USH2A: variants seen among roughly 807,000 people sequenced by gnomAD.
USH2A encodes usherin.
USH2A carries 443 observed loss-of-function variants against 538.9 expected under a neutral mutation model. The ratio of observed to expected loss-of-function variants is 0.82; its 90% confidence interval spans 0.76 to 0.89. The LOEUF (loss-of-function observed/expected upper bound fraction) is 0.89. USH2A is among the 40% of genes least tolerant of loss of function. The probability of loss-of-function intolerance (pLI) is 0.00; values close to 1 mark genes in which losing one functional copy is unlikely to be tolerated. For missense variants in USH2A, 6,633 were observed against 6,324.8 expected (o/e 1.05, Z -1.65); for synonymous variants, 2,413 against 2,273.5 (o/e 1.06, Z -1.75).
chr1:215,843,447 T>C (rs1220062556), intron 46 of USH2A, among the ~76,000 whole-genome samples: 2 of 152,352 alleles, frequency 1.3e-5, no homozygotes, highest in East Asian at 3.9e-4. Context: ...TTCCTTGTTT[T>C]ATATGCCTTA....
Position 215,670,952 on chromosome 1 carries a change from T to C in USH2A, c.14133+20A>G. 3 of 1,613,382 alleles carry C rather than the reference T, an allele frequency of 1.9e-6. No homozygotes were observed. The South Asian group carries it at 3.3e-5, about 18-fold the overall frequency. ...GGTGCAAACAATCAGCTCGAATTGT[T>C]TATAATACACATTTCTTACCTGATA... On this transcript the variant is annotated intron_variant, in intron 64 of 71. Coordinates refer to ENST00000307340, the MANE Select transcript of USH2A (RefSeq NM_206933.4).
intron 4 of USH2A, among the ~76,000 whole-genome samples, chr1:216,333,648 C>A (rs1350566822): frequency 1.3e-5 from 2 of 151,982 alleles, no homozygotes; most frequent in African/African-American, 4.8e-5. Context: ...TAGATCCACA[C>A]CCTAGGCACA....
At chr1:215,852,194 G>T (rs751859655) in intron 44 of USH2A, among the ~76,000 whole-genome samples, 3 of 152,160 alleles carry the variant, frequency 2.0e-5, no homozygotes, top group Non-Finnish European at 4.4e-5. Context: ...TCACAGTTCC[G>T]CATGGCTGGG....
chr1:215,793,501 A>T (rs992317782), intron 50 of USH2A, among the ~76,000 whole-genome samples: 1 of 152,176 alleles, frequency 6.6e-6, no homozygotes, highest in Non-Finnish European at 1.5e-5. Flanking sequence ...CACAAAACAG[A>T]GGGTAGAGTA....
In USH2A at chr1:216,365,012, A is replaced by T. The variant is rs1263555097; in HGVS notation, c.725T>A (p.Leu242Gln). Residue 242 changes from leucine (L) to glutamine (Q), a missense_variant, in exon 4 of 72, where the codon CTA (leucine) becomes CAA (glutamine). By Grantham distance (113) the Leu-to-Gln change is moderately radical (BLOSUM62 -2). Coordinates refer to ENST00000307340, the MANE Select transcript of USH2A (RefSeq NM_206933.4). ...KDHTPFNART[L>Q]SGSITDFASG... ...TGCAAAATCTGTAATTGAACCACTT[A>T]GAGTTCTTGCATTGAAAGGTGTATG... The T allele has an allele frequency of 6.2e-7, 1 of 1,613,772 alleles. No individual in the cohort carries two copies. Among genetic ancestry groups the T allele is most frequent in the East Asian group, 2.2e-5 (1 of 44,806 alleles).
At chr1:215,808,521 C>G (rs976259583) in intron 49 of USH2A, among the ~76,000 whole-genome samples, 3 of 152,064 alleles carry the variant, frequency 2.0e-5, no homozygotes, top group African/African-American at 2.4e-5. Flanking sequence ...GAAACACCAT[C>G]AGGATACAAA....
chr1:215,728,149 A>G lies in USH2A; in HGVS notation c.11947T>C (p.Leu3983=). 1.2e-6 allele frequency: 2 copies of G among 1,614,192 alleles called. No individual in the cohort carries two copies. The highest frequency in any genetic ancestry group is 1.7e-6 in the Non-Finnish European group (2 of 1,180,048). Residue 3983 remains leucine (L), a synonymous_variant, in exon 61 of 72, where the codon TTG becomes CTG. Coordinates refer to ENST00000307340, the MANE Select transcript of USH2A (RefSeq NM_206933.4). ...GGAGATTCTGGCTTTGTCCAATTCA[A>G]CAGAACTGAATGAGCACTCGTGGCT... is the stretch of plus-strand genomic sequence containing the variant. ...AQATSAHSVL[L]NWTKPESPNG...
intron 35 of USH2A, among the ~76,000 whole-genome samples, chr1:215,981,576 C>CCTTA (rs1667753888): frequency 1.3e-5 from 2 of 151,960 alleles, no homozygotes; most frequent in African/African-American, 4.8e-5. Flanking sequence ...ACAGCTAGTT[C>CCTTA]AGGGTCCTCT....
chr1:215,820,590 C>T (rs1193110710), intron 47 of USH2A, among the ~76,000 whole-genome samples: 1 of 151,742 alleles, frequency 6.6e-6, no homozygotes, highest in Non-Finnish European at 1.5e-5. Flanking sequence ...ATGCTAACAA[C>T]ATTTAAATTA....
At chr1:216,164,758 A>G (rs1343247084) in intron 21 of USH2A, among the ~76,000 whole-genome samples, 1 of 152,186 alleles carries the variant, frequency 6.6e-6, no homozygotes, top group Non-Finnish European at 1.5e-5. Context: ...AACAAGATTT[A>G]TGTGACTTAG....
chr1:215,981,840 G>A (rs1026318146), intron 35 of USH2A, among the ~76,000 whole-genome samples: 3 of 152,098 alleles, frequency 2.0e-5, no homozygotes, highest in African/African-American at 7.2e-5. Flanking sequence ...TTCATTCAAT[G>A]GCATTTTACT....
chr1:215,807,157 A>C (rs1370241854), intron 49 of USH2A, among the ~76,000 whole-genome samples: 1 of 152,128 alleles, frequency 6.6e-6, no homozygotes, highest in African/African-American at 2.4e-5. Context: ...GAAGGGGTCC[A>C]CAAGCCAAAG....
Position 215,810,261 on chromosome 1 carries a change from T to C in USH2A, c.9739+3475A>G, listed in dbSNP as rs74615854. On this transcript the variant is annotated intron_variant, in intron 49 of 71. Transcript: ENST00000307340. ...AATCCTTGGTCTAAAAATTAATTAT[T>C]AAAGGCTTATATAATATCAATGACA... Among the ~76,000 whole-genome samples, 1,447 of 152,278 alleles carry C rather than the reference T, an allele frequency of 9.5e-3. 19 individuals are homozygous for C. Among genetic ancestry groups the C allele is most frequent in the African/African-American group, 0.033 (1,368 of 41,566 alleles).
chr1:215,998,985 A>T lies in USH2A; in HGVS notation c.6559T>A (p.Phe2187Ile). Residue 2187 changes from phenylalanine (F) to isoleucine (I), a missense_variant, in exon 34 of 72, where the codon TTT becomes ATT. Transcript: ENST00000307340. Reference protein sequence around the residue: ...VLYMSNHTHDFTIWSVIYNST... With the variant: ...VLYMSNHTHDITIWSVIYNST... ...TTATAGATGACACTCCAAATTGTAA[A>T]ATCATGTGTATGGTTTGACATATAT... is the stretch of plus-strand genomic sequence containing the variant. 6.2e-7 allele frequency: 1 copy of T among 1,613,072 alleles called. No individual in the cohort carries two copies. Among genetic ancestry groups the T allele is most frequent in the Non-Finnish European group, 8.5e-7 (1 of 1,179,298 alleles).
intron 6 of USH2A, 141 bp downstream of exon 6, chr1:216,325,164 C>T: frequency 1.0e-6 from 1 of 981,570 alleles, no homozygotes; most frequent in East Asian, 2.6e-5. Flanking sequence ...GGGAATGTAG[C>T]CCTGCCAACA....
chr1:216,358,423 G>T (rs910986416), intron 4 of USH2A, among the ~76,000 whole-genome samples: 1 of 152,086 alleles, frequency 6.6e-6, no homozygotes, highest in African/African-American at 2.4e-5. Flanking sequence ...TCTTTTGAAA[G>T]AAACCATCTT....
chr1:216,010,976 T>G lies in USH2A; in HGVS notation c.6326-10414A>C, dbSNP rs375157394. On this transcript the variant is annotated intron_variant, in intron 32 of 71. Transcript: ENST00000307340. The stretch of plus-strand genomic sequence containing the variant: ...ATTAAAACCTAATCACCCTTACCCC[T>G]CTCAATGCCAATATCCCACCTCACA... Among the ~76,000 whole-genome samples the G allele has an allele frequency of 1.2e-3, 175 of 152,128 alleles. 1 individual carries two copies. The highest frequency in any genetic ancestry group is 4.1e-3 in the African/African-American group (170 of 41,488).
intron 21 of USH2A, among the ~76,000 whole-genome samples, chr1:216,134,072 C>T (rs2033431936): frequency 6.6e-6 from 1 of 152,134 alleles, no homozygotes; most frequent in South Asian, 2.1e-4. Context: ...CTTTTTGACT[C>T]TTAGACACAC....
At chr1:216,381,454 C>G (rs930004739) in intron 3 of USH2A, among the ~76,000 whole-genome samples, 1 of 151,994 alleles carries the variant, frequency 6.6e-6, no homozygotes, top group Non-Finnish European at 1.5e-5. Flanking sequence ...ATCACATTTA[C>G]ATTTTAGAAA....
Sources: gnomAD v4.1 joint callset for allele counts (sites outside exome capture counted in the v4.1 genomes callset) on GRCh38, gnomAD v4.1.1 for gene constraint, MANE v1.5 for transcripts, NCBI Gene and HGNC (gene_info 2026-07-23, HGNC 2026-07-21) for gene names.